STK24: variants seen among roughly 807,000 people sequenced by gnomAD.
STK24 encodes the protein serine/threonine-protein kinase 24.
STK24 carries 21 observed loss-of-function variants against 55.6 expected under a neutral mutation model. The observed-to-expected ratio is 0.38, with a 90% CI of 0.27 to 0.54. The LOEUF is 0.54. STK24 is among the 20% of genes least tolerant of loss of function. The probability of loss-of-function intolerance (pLI) is 0.79; values close to 1 mark genes in which losing one functional copy is unlikely to be tolerated. For missense variants in STK24, 383 were observed against 538.4 expected (o/e 0.71, Z 2.86); for synonymous variants, 200 against 215.2 (o/e 0.93, Z 0.62).
chr13:98,533,186 C>A (rs1896626686), intron 1 of STK24, among the ~76,000 whole-genome samples: 1 of 151,862 alleles, frequency 6.6e-6, no homozygotes. Context: ...CAAGACTAAC[C>A]TAGCCAACAT....
intron 2 of STK24, among the ~76,000 whole-genome samples, chr13:98,506,562 C>T (rs1006468423): frequency 2.0e-5 from 3 of 152,148 alleles, no homozygotes; most frequent in South Asian, 4.1e-4. Context: ...CTCCCGTAGC[C>T]GAAGCAGCTC....
At chr13:98,486,728 G>T (rs186706094) in intron 2 of STK24, among the ~76,000 whole-genome samples, 1 of 152,184 alleles carries the variant, frequency 6.6e-6, no homozygotes, top group Non-Finnish European at 1.5e-5. Flanking sequence ...CTACACCCAC[G>T]ATGGACGCTG....
intron 1 of STK24, among the ~76,000 whole-genome samples, chr13:98,535,423 ACACACACACACACG>A (rs1896702554): frequency 6.7e-6 from 1 of 149,650 alleles, no homozygotes; most frequent in African/African-American, 2.5e-5. Context: ...ACACACACAC[ACACACACACACACG>A]CAATGCATTC....
chr13:98,567,414 G>A (rs1158614443), intron 1 of STK24, among the ~76,000 whole-genome samples: 1 of 152,212 alleles, frequency 6.6e-6, no homozygotes, highest in Non-Finnish European at 1.5e-5. Context: ...GGACCAGGGG[G>A]TTGGAACCCC....
chr13:98,571,012 G>A (rs536365313), intron 1 of STK24, among the ~76,000 whole-genome samples: 12 of 152,112 alleles, frequency 7.9e-5, no homozygotes, highest in Non-Finnish European at 1.5e-4. Flanking sequence ...CAGAAAGGTG[G>A]CTTGGGTGTG....
At chr13:98,561,569 G>A (rs1897419877) in intron 1 of STK24, among the ~76,000 whole-genome samples, 1 of 152,088 alleles carries the variant, frequency 6.6e-6, no homozygotes, top group Non-Finnish European at 1.5e-5. Flanking sequence ...GCAACAGAGT[G>A]AGACTGTCTC....
At chr13:98,575,991 G>A (rs1321724386) in intron 1 of STK24, 1 of 983,582 alleles carries the variant, frequency 1.0e-6, no homozygotes, top group Non-Finnish European at 1.2e-6. Context: ...GTGTCACCAA[G>A]TACCGAAAGA....
intron 2 of STK24, among the ~76,000 whole-genome samples, chr13:98,506,335 C>T (rs1028451704): frequency 6.6e-6 from 1 of 152,214 alleles, no homozygotes; most frequent in Non-Finnish European, 1.5e-5. Context: ...GCTTTTCAGA[C>T]AGCTGGATTC....
chr13:98,559,583 T>C (rs538599467), intron 1 of STK24, among the ~76,000 whole-genome samples: 20 of 152,306 alleles, frequency 1.3e-4, no homozygotes, highest in South Asian at 8.3e-4. Flanking sequence ...GTTTTTGTCA[T>C]GCGATTAAAT....
intron 2 of STK24, 70 bp from the exon 3 acceptor site, chr13:98,482,391 G>A (rs889250803): frequency 2.2e-6 from 2 of 890,132 alleles, no homozygotes; most frequent in Admixed American, 2.4e-5. Flanking sequence ...AATAATCAAA[G>A]GGTATTTTTC....
intron 1 of STK24, among the ~76,000 whole-genome samples, chr13:98,556,348 G>C (rs1223405182): frequency 1.3e-5 from 2 of 152,222 alleles, no homozygotes; most frequent in African/African-American, 2.4e-5. Context: ...GGTGCTGCGG[G>C]CAGCCGCCTT....
At chr13:98,533,813 G>A (rs71437966) in intron 1 of STK24, among the ~76,000 whole-genome samples, 1 of 151,894 alleles carries the variant, frequency 6.6e-6, no homozygotes, top group South Asian at 2.1e-4. Flanking sequence ...TGTTACCTTA[G>A]GAAACCACTG....
At chr13:98,471,471 C>G (rs1291664621) in intron 5 of STK24, among the ~76,000 whole-genome samples, 3 of 152,194 alleles carry the variant, frequency 2.0e-5, no homozygotes, top group African/African-American at 7.2e-5. Flanking sequence ...AGAGGTATCT[C>G]CCTTAGCACC....
At chr13:98,523,111 G>A (rs563779527) in intron 1 of STK24, among the ~76,000 whole-genome samples, 6 of 152,146 alleles carry the variant, frequency 3.9e-5, no homozygotes, top group South Asian at 2.1e-4. Flanking sequence ...TTGGAATCCC[G>A]GGGTGAGGGA....
At chr13:98,456,827 G>GT (rs545648897) in intron 10 of STK24, 493 of 414,296 alleles carry the variant, frequency 1.2e-3, no homozygotes, top group South Asian at 2.2e-3. Flanking sequence ...CAGATAGATA[G>GT]TTACACACAT....
intron 1 of STK24, among the ~76,000 whole-genome samples, chr13:98,543,478 C>A (rs937228789): frequency 6.6e-6 from 1 of 152,174 alleles, no homozygotes; most frequent in Admixed American, 6.5e-5. Flanking sequence ...CATTCTGGTG[C>A]GTAATAAAGG....
At chr13:98,504,571 G>T (rs1386663822) in intron 2 of STK24, among the ~76,000 whole-genome samples, 1 of 152,212 alleles carries the variant, frequency 6.6e-6, no homozygotes, top group Non-Finnish European at 1.5e-5. Context: ...GTCCCCAAAT[G>T]ACAACAGTGG....
chr13:98,475,168 G>C, intron 4 of STK24, 82 bp downstream of exon 4: 1 of 1,422,340 alleles, frequency 7.0e-7, no homozygotes, highest in Non-Finnish European at 9.6e-7. Context: ...ATGGGCGCCA[G>C]CACCTTCCCT....
Position 98,448,009 on chromosome 13 carries a change from G to A in STK24, c.*5164C>T, listed in dbSNP as rs1488355743. On this transcript the variant is annotated 3_prime_UTR_variant, in exon 11 of 11. Transcript: ENST00000539966. ...CTCCAATGGAGCGGGCAGTGTCACT[G>A]CAGCAAGGTACTTCCAGCTCCACAC... The A allele has an allele frequency of 7.4e-5, 42 of 571,312 alleles. No individual in the cohort carries two copies. The highest frequency in any genetic ancestry group is 1.1e-4 in the Non-Finnish European group (34 of 318,856). 35.4% of individuals were successfully genotyped at this position (571,312 alleles called of 1,614,324 possible).
Sources: allele counts gnomAD v4.1 joint callset (sites outside exome capture counted in the v4.1 genomes callset), GRCh38; gene constraint gnomAD v4.1.1; transcripts MANE v1.5; gene names NCBI Gene and HGNC (gene_info 2026-07-23, HGNC 2026-07-21).